PLGRKT: variants seen among roughly 807,000 people sequenced by gnomAD.
PLGRKT encodes plasminogen receptor with a C-terminal lysine.
PLGRKT carries 22 observed loss-of-function variants against 18.5 expected under a neutral mutation model. The observed-to-expected ratio is 1.19, with a 90% CI of 0.85 to 1.70. PLGRKT has a LOEUF of 1.70. Among genes scored for constraint, PLGRKT ranks in the 40% most tolerant of loss-of-function variants. The pLI is 0.00. For synonymous variants in PLGRKT, 72 were observed against 52.8 expected, an observed-to-expected ratio of 1.36 and a Z score of -1.58; for missense variants, 235 against 174.4, an observed-to-expected ratio of 1.35 and a Z score of -1.96.
chr9:5,409,554 G>A (rs542555567), intron 3 of PLGRKT, among the ~76,000 whole-genome samples: 9 of 152,272 alleles, frequency 5.9e-5, no homozygotes, highest in Non-Finnish European at 1.3e-4. Flanking sequence ...TATACCCAGA[G>A]TGGTAGATCC....
At chr9:5,398,709 T>C (rs979942921) in intron 3 of PLGRKT, among the ~76,000 whole-genome samples, 3 of 151,898 alleles carry the variant, frequency 2.0e-5, no homozygotes, top group African/African-American at 7.3e-5. Flanking sequence ...TTTTACATCA[T>C]AAAGCTTTGA....
chr9:5,417,361 C>A (rs191445346), intron 3 of PLGRKT, among the ~76,000 whole-genome samples: 6 of 152,134 alleles, frequency 3.9e-5, no homozygotes, highest in Non-Finnish European at 5.9e-5. Context: ...TTACTTCATA[C>A]CATACATAAA....
chr9:5,372,954 A>C (rs934480538), intron 3 of PLGRKT, among the ~76,000 whole-genome samples: 5 of 152,210 alleles, frequency 3.3e-5, no homozygotes, highest in Non-Finnish European at 7.3e-5. Context: ...ATTAAGTGAC[A>C]GATCTGGAAT....
intron 1 of PLGRKT, among the ~76,000 whole-genome samples, chr9:5,437,231 G>A (rs1451716370): frequency 2.0e-5 from 3 of 152,182 alleles, no homozygotes; most frequent in Non-Finnish European, 4.4e-5. Context: ...TGAGTACCTA[G>A]ATTTGATTTT....
chr9:5,377,297 G>C (rs10975084), intron 3 of PLGRKT, among the ~76,000 whole-genome samples: 45,330 of 151,028 alleles, frequency 0.3, 6,887 homozygotes, highest in African/African-American at 0.31. Flanking sequence ...ATTAAACAAG[G>C]CTGTTTTGAA....
chr9:5,397,534 CAGGA>C (rs1016916873), intron 3 of PLGRKT, among the ~76,000 whole-genome samples: 15 of 146,312 alleles, frequency 1.0e-4, no homozygotes, highest in Non-Finnish European at 1.6e-4. Context: ...GAAAAGAGGG[CAGGA>C]AGGAAGGAAG....
chr9:5,385,418 G>T (rs1012403354), intron 3 of PLGRKT, among the ~76,000 whole-genome samples: 1 of 151,386 alleles, frequency 6.6e-6, no homozygotes, highest in Admixed American at 6.6e-5. Context: ...GGATGGTCTC[G>T]ATCTCCTGAC....
intron 3 of PLGRKT, among the ~76,000 whole-genome samples, chr9:5,406,291 T>C (rs898914350): frequency 2.0e-5 from 3 of 152,176 alleles, no homozygotes; most frequent in African/African-American, 7.2e-5. Context: ...ATCATTCTGT[T>C]ATAAAGACAT....
chr9:5,430,034 C>T, intron 3 of PLGRKT, among the ~76,000 whole-genome samples: 1 of 152,214 alleles, frequency 6.6e-6, no homozygotes, highest in East Asian at 1.9e-4. Context: ...CGCTGCTCAA[C>T]TGTGACACAA....
rs566126523 is a variant in PLGRKT at position 5,362,792 on chromosome 9, C to T, written c.82-904G>A. On this transcript the variant is annotated intron_variant, in intron 3 of 5. Transcript: ENST00000223864. Reference sequence around the variant, plus strand: ...TGATAGTTTAGATGTAAAGATGGGGCTTGGCTCCTTGGCCTATTTGGGAGG... The same window carrying T: ...TGATAGTTTAGATGTAAAGATGGGGTTTGGCTCCTTGGCCTATTTGGGAGG... Among the ~76,000 whole-genome samples, 9 of 152,166 alleles carry T rather than the reference C, an allele frequency of 5.9e-5. No homozygotes were observed. The East Asian group carries it at 1.5e-3, about 26-fold the overall frequency.
At chr9:5,373,727 T>A (rs1366284501) in intron 3 of PLGRKT, among the ~76,000 whole-genome samples, 1 of 151,772 alleles carries the variant, frequency 6.6e-6, no homozygotes, top group Non-Finnish European at 1.5e-5. Context: ...GAGCCTGGCA[T>A]GTCGAGGCTG....
At chr9:5,396,894 T>C (rs554599637) in intron 3 of PLGRKT, among the ~76,000 whole-genome samples, 6 of 152,068 alleles carry the variant, frequency 3.9e-5, no homozygotes, top group Admixed American at 3.3e-4. Flanking sequence ...GCACTTCATT[T>C]TCAGTGAGTT....
intron 3 of PLGRKT, among the ~76,000 whole-genome samples, chr9:5,371,485 C>T (rs1212295760): frequency 1.3e-5 from 2 of 152,166 alleles, no homozygotes; most frequent in African/African-American, 4.8e-5. Flanking sequence ...CAGGGGTTTC[C>T]GCTTTCGCTT....
chr9:5,390,530 C>G (rs1422331810), intron 3 of PLGRKT, among the ~76,000 whole-genome samples: 2 of 151,850 alleles, frequency 1.3e-5, no homozygotes, highest in Non-Finnish European at 2.9e-5. Flanking sequence ...TCTCACCTTT[C>G]CTCTACAAAT....
At chr9:5,409,393 G>A (rs548179001) in intron 3 of PLGRKT, among the ~76,000 whole-genome samples, 24 of 152,278 alleles carry the variant, frequency 1.6e-4, no homozygotes, top group East Asian at 3.9e-4. Flanking sequence ...TCTTTCTCCC[G>A]TGCTGGATGC....
chr9:5,428,849 A>G (rs1195992613), intron 3 of PLGRKT, among the ~76,000 whole-genome samples: 1 of 152,088 alleles, frequency 6.6e-6, no homozygotes, highest in African/African-American at 2.4e-5. Flanking sequence ...TAGTTGTGTA[A>G]CACCATGCCT....
At chr9:5,413,203 A>T in intron 3 of PLGRKT, among the ~76,000 whole-genome samples, 1 of 152,196 alleles carries the variant, frequency 6.6e-6, no homozygotes, top group East Asian at 1.9e-4. Flanking sequence ...TCAACTCTAA[A>T]AATCTACCCT....
chr9:5,362,153 A>G (rs1037609898), intron 3 of PLGRKT, among the ~76,000 whole-genome samples: 1 of 152,164 alleles, frequency 6.6e-6, no homozygotes, highest in Non-Finnish European at 1.5e-5. Flanking sequence ...TGTGGTCTGG[A>G]GCTTTAGCCA....
intron 3 of PLGRKT, among the ~76,000 whole-genome samples, chr9:5,379,434 T>C (rs1351530725): frequency 3.3e-5 from 5 of 152,202 alleles, no homozygotes; most frequent in Non-Finnish European, 7.4e-5. Context: ...TAATTAAAAT[T>C]AACAATTTAG....
Sources: gnomAD v4.1 joint callset for allele counts (sites outside exome capture counted in the v4.1 genomes callset) on GRCh38, gnomAD v4.1.1 for gene constraint, MANE v1.5 for transcripts, NCBI Gene and HGNC (gene_info 2026-07-23, HGNC 2026-07-21) for gene names.